Variants in DNAJC24 observed in about 807,000 individuals in gnomAD.
The protein encoded by DNAJC24 is DnaJ heat shock protein family (Hsp40) member C24.
A neutral mutation model predicts 18.0 loss-of-function variants in DNAJC24; 17 were observed. That is an observed-to-expected ratio of 0.94 (90% CI 0.65 to 1.42). The LOEUF (loss-of-function observed/expected upper bound fraction) is 1.42, where lower values mean the gene tolerates loss of function less well. Ranked by LOEUF, DNAJC24 falls within the 40% of genes most tolerant of loss-of-function variation. The probability of loss-of-function intolerance (pLI) is 0.00; values close to 1 mark genes in which losing one functional copy is unlikely to be tolerated. For missense variants in DNAJC24, 158 were observed against 175.6 expected, an observed-to-expected ratio of 0.90 and a Z score of 0.57; for synonymous variants, 55 against 57.7, an observed-to-expected ratio of 0.95 and a Z score of 0.21.
chr11:31,379,657 T>C (rs1232056478), intron 2 of DNAJC24, among the ~76,000 whole-genome samples: 2 of 152,234 alleles, frequency 1.3e-5, no homozygotes, highest in Non-Finnish European at 2.9e-5. Flanking sequence ...ATATCCCCTT[T>C]ATGGCTTGTT....
chr11:31,379,007 A>G (rs1188245403), intron 2 of DNAJC24, among the ~76,000 whole-genome samples: 2 of 152,328 alleles, frequency 1.3e-5, no homozygotes, highest in South Asian at 4.1e-4. Context: ...AACTGCATGG[A>G]TCTGAGTTTC....
chr11:31,419,517 G>C (rs1056073576), intron 3 of DNAJC24, among the ~76,000 whole-genome samples: 7 of 152,002 alleles, frequency 4.6e-5, no homozygotes, highest in African/African-American at 1.4e-4. Context: ...CATTGGTTTT[G>C]AGTAAAAATT....
chr11:31,424,446 G>A (rs1005712525), intron 3 of DNAJC24, among the ~76,000 whole-genome samples: 1 of 152,098 alleles, frequency 6.6e-6, no homozygotes, highest in Non-Finnish European at 1.5e-5. Context: ...AAATTAAAAT[G>A]TGATTAAGAT....
chr11:31,420,319 TCCCACCA>T (rs1952791466), intron 3 of DNAJC24, among the ~76,000 whole-genome samples: 1 of 152,096 alleles, frequency 6.6e-6, no homozygotes, highest in South Asian at 2.1e-4. Context: ...ACTCCCAACT[TCCCACCA>T]CCCACCAGAG....
intron 2 of DNAJC24, among the ~76,000 whole-genome samples, chr11:31,383,473 T>C (rs1250774298): frequency 6.6e-6 from 1 of 152,176 alleles, no homozygotes; most frequent in Non-Finnish European, 1.5e-5. Context: ...ATATTATAGG[T>C]TATATTCATG....
chr11:31,418,505 T>C (rs1327643767), intron 3 of DNAJC24, among the ~76,000 whole-genome samples: 1 of 152,130 alleles, frequency 6.6e-6, no homozygotes, highest in Non-Finnish European at 1.5e-5. Flanking sequence ...GTGACACAGC[T>C]TATGAGTTAA....
At chr11:31,372,550 T>C (rs573887974) in intron 2 of DNAJC24, among the ~76,000 whole-genome samples, 1 of 136,036 alleles carries the variant, frequency 7.4e-6, no homozygotes, top group East Asian at 1.9e-4. Flanking sequence ...AATTGGGAAA[T>C]GAACCTGGAA....
At chr11:31,420,023 T>C (rs1952787973) in intron 3 of DNAJC24, among the ~76,000 whole-genome samples, 1 of 152,036 alleles carries the variant, frequency 6.6e-6, no homozygotes, top group Non-Finnish European at 1.5e-5. Flanking sequence ...GCAGCTTTCT[T>C]TATTCTCATG....
chr11:31,413,264 C>T (rs1043002631), intron 2 of DNAJC24, among the ~76,000 whole-genome samples: 4 of 151,022 alleles, frequency 2.6e-5, no homozygotes, highest in Non-Finnish European at 2.9e-5. Flanking sequence ...AAGGACATTC[C>T]TAAGTTTACT....
intron 4 of DNAJC24, among the ~76,000 whole-genome samples, chr11:31,428,297 C>T (rs553205285): frequency 4.3e-4 from 66 of 152,150 alleles, no homozygotes; most frequent in African/African-American, 7.5e-4. Context: ...TGCCCTTAGA[C>T]GCTTAGGTTT....
intron 4 of DNAJC24, chr11:31,427,965 A>G (rs1591924675): frequency 7.2e-6 from 1 of 139,780 alleles, no homozygotes; most frequent in Non-Finnish European, 1.5e-5. Flanking sequence ...TGAGAATAGG[A>G]AAAAAAAAAA....
rs185298806 is a variant in DNAJC24 at position 31,392,478 on chromosome 11, G to A, written c.111+21619G>A. On this transcript the variant is annotated intron_variant, in intron 2 of 4. Coordinates refer to ENST00000465995, the MANE Select transcript of DNAJC24 (RefSeq NM_181706.5). ...TAAAGTCTACATACCAAGTGCTTGT[G>A]TATTTAAACATTATCAATCAAGGTA... Among the ~76,000 whole-genome samples the A allele has an allele frequency of 1.1e-4, 16 of 152,138 alleles. No individual in the cohort carries two copies. The East Asian group carries it at 1.7e-3, about 17-fold the overall frequency.
At chr11:31,408,265 G>A (rs997715742) in intron 2 of DNAJC24, 3 of 451,986 alleles carry the variant, frequency 6.6e-6, no homozygotes, top group Admixed American at 2.4e-5. Context: ...ATTTTAGCAC[G>A]CGTAACAGTT....
chr11:31,424,223 TTTCTC>T (rs1952838863), intron 3 of DNAJC24, among the ~76,000 whole-genome samples: 1 of 152,186 alleles, frequency 6.6e-6, no homozygotes, highest in South Asian at 2.1e-4. Context: ...CTTGTCATTA[TTTCTC>T]TTGTCTGATT....
At chr11:31,394,916 A>C (rs1196353611) in intron 2 of DNAJC24, among the ~76,000 whole-genome samples, 3 of 152,216 alleles carry the variant, frequency 2.0e-5, no homozygotes, top group Non-Finnish European at 2.9e-5. Context: ...TATTGTTATA[A>C]CATTATTGCA....
At chr11:31,429,885 G>C (rs1952903368) in intron 4 of DNAJC24, 1 of 155,786 alleles carries the variant, frequency 6.4e-6, no homozygotes, top group East Asian at 1.9e-4. Context: ...AGACAGGTAG[G>C]GCTGTTTTTC....
At position 31,432,744 on chromosome 11, in the gene DNAJC24, G is replaced by C. The variant is rs1392808742; in HGVS notation, c.*2343G>C. 1.3e-5 allele frequency among the ~76,000 whole-genome samples: 2 copies of C among 152,168 alleles called. No individual in the cohort carries two copies. Among genetic ancestry groups the C allele is most frequent in the African/African-American group, 4.8e-5 (2 of 41,428 alleles). Reference sequence around the variant, plus strand: ...AAGACTTGAGAAAATAAACTTATGTGTATATATGTTTAAACTCCAAAGTTT... The same window carrying C: ...AAGACTTGAGAAAATAAACTTATGTCTATATATGTTTAAACTCCAAAGTTT... On this transcript the variant is annotated 3_prime_UTR_variant, in exon 5 of 5. Transcript: ENST00000465995.
intron 2 of DNAJC24, among the ~76,000 whole-genome samples, chr11:31,384,309 C>G (rs1221365693): frequency 6.6e-6 from 1 of 152,208 alleles, no homozygotes; most frequent in African/African-American, 2.4e-5. Context: ...CTCTGTTATT[C>G]CACTGTCCAT....
At position 31,431,668 on chromosome 11, in the gene DNAJC24, A is replaced by G. The variant is rs1000167669; in HGVS notation, c.*1267A>G. 21 of 151,574 alleles carry G rather than the reference A, an allele frequency of 1.4e-4. No individual in the cohort carries two copies. The highest frequency in any genetic ancestry group is 1.4e-3 in the Admixed American group (21 of 15,222). 9.4% of individuals were successfully genotyped at this position (151,574 alleles called of 1,614,324 possible). ...ATCTACTAAAAATAATTTTTTTAAA[A>G]ATTAGCCAGTCACGTTGGTGTCTGC... is the stretch of plus-strand genomic sequence containing the variant. On this transcript the variant is annotated 3_prime_UTR_variant, in exon 5 of 5. Transcript: ENST00000465995.
Sources: gnomAD v4.1 joint callset for allele counts (sites outside exome capture counted in the v4.1 genomes callset) on GRCh38, gnomAD v4.1.1 for gene constraint, MANE v1.5 for transcripts, NCBI Gene and HGNC (gene_info 2026-07-23, HGNC 2026-07-21) for gene names.